The following NCAM2 variants were observed in gnomAD, a reference collection of about 807,000 sequenced individuals.
NCAM2 encodes N-CAM-2.
Under a neutral mutation model 98.1 loss-of-function variants are expected in NCAM2, and 30 were observed. The ratio of observed to expected loss-of-function variants is 0.31; its 90% CI spans 0.23 to 0.41. The LOEUF (loss-of-function observed/expected upper bound fraction) is 0.41. Ranked by LOEUF, NCAM2 falls within the 10% of genes least tolerant of loss-of-function variation. NCAM2 has a pLI of 1.00. For missense variants in NCAM2, 867 were observed against 1,005.8 expected (o/e 0.86, Z 1.87); for synonymous variants, 368 against 342.4 (o/e 1.07, Z -0.83).
chr21:21,323,087 G>C (rs1601972654), intron 5 of NCAM2, among the ~76,000 whole-genome samples: 1 of 152,212 alleles, frequency 6.6e-6, no homozygotes. Flanking sequence ...AATAAAAAGA[G>C]TAATACTGCT....
intron 1 of NCAM2, among the ~76,000 whole-genome samples, chr21:21,148,324 C>G (rs1461438862): frequency 2.0e-5 from 3 of 152,112 alleles, no homozygotes; most frequent in East Asian, 3.9e-4. Context: ...AACTTTAATA[C>G]TGTGGAACAA....
intron 1 of NCAM2, among the ~76,000 whole-genome samples, chr21:21,212,749 T>TC: frequency 6.7e-6 from 1 of 148,652 alleles, no homozygotes. Flanking sequence ...GTGCTTTTTT[T>TC]TTTTTTTTTT....
intron 5 of NCAM2, among the ~76,000 whole-genome samples, chr21:21,311,490 G>A (rs1027712170): frequency 4.0e-5 from 6 of 151,872 alleles, no homozygotes; most frequent in African/African-American, 9.7e-5. Flanking sequence ...ACAGGCACCC[G>A]CCACCACGCC....
At chr21:21,262,292 G>A (rs113967399) in intron 1 of NCAM2, among the ~76,000 whole-genome samples, 9 of 152,238 alleles carry the variant, frequency 5.9e-5, no homozygotes, top group African/African-American at 2.2e-4. Context: ...AGCAGAGCTA[G>A]TACTAATCTT....
chr21:21,240,749 G>A (rs1330424091), intron 1 of NCAM2, among the ~76,000 whole-genome samples: 2 of 152,122 alleles, frequency 1.3e-5, no homozygotes, highest in Non-Finnish European at 2.9e-5. Flanking sequence ...ATGACACTGT[G>A]ACCTGGTTAA....
chr21:21,504,872 T>C (rs1334404783), intron 15 of NCAM2, among the ~76,000 whole-genome samples: 2 of 151,892 alleles, frequency 1.3e-5, no homozygotes, highest in Non-Finnish European at 2.9e-5. Flanking sequence ...ATACAATGTG[T>C]AATAATCAAA....
At chr21:21,219,060 G>A (rs555832506) in intron 1 of NCAM2, among the ~76,000 whole-genome samples, 1 of 152,338 alleles carries the variant, frequency 6.6e-6, no homozygotes, top group South Asian at 2.1e-4. Context: ...TACCAAGCTT[G>A]CCCAACCCAT....
chr21:21,153,276 C>T (rs1400823467), intron 1 of NCAM2, among the ~76,000 whole-genome samples: 1 of 150,288 alleles, frequency 6.7e-6, no homozygotes, highest in Non-Finnish European at 1.5e-5. Flanking sequence ...TTGACTCTTT[C>T]AGATCTTAGT....
intron 1 of NCAM2, among the ~76,000 whole-genome samples, chr21:21,135,264 A>AAT: frequency 6.6e-6 from 1 of 150,754 alleles, no homozygotes; most frequent in East Asian, 2.0e-4. Flanking sequence ...AAAAAAAAAA[A>AAT]CTTCTGAACT....
At chr21:21,107,294 C>T (rs781261561) in intron 1 of NCAM2, among the ~76,000 whole-genome samples, 34 of 151,974 alleles carry the variant, frequency 2.2e-4, no homozygotes, top group Non-Finnish European at 4.4e-4. Flanking sequence ...ATGACCTGTC[C>T]AGCACTATAG....
At chr21:21,376,308 G>A (rs2076031276) in intron 9 of NCAM2, among the ~76,000 whole-genome samples, 1 of 151,714 alleles carries the variant, frequency 6.6e-6, no homozygotes, top group Non-Finnish European at 1.5e-5. Flanking sequence ...ATATGTTTAT[G>A]TTGTAAAACC....
intron 1 of NCAM2, among the ~76,000 whole-genome samples, chr21:21,049,728 A>C (rs960775817): frequency 1.3e-5 from 2 of 152,074 alleles, no homozygotes; most frequent in Non-Finnish European, 2.9e-5. Flanking sequence ...AAAATTAGCC[A>C]GTCATGGTGA....
intron 1 of NCAM2, among the ~76,000 whole-genome samples, chr21:21,060,382 T>A (rs1402930868): frequency 1.3e-5 from 2 of 152,142 alleles, no homozygotes; most frequent in Non-Finnish European, 2.9e-5. Context: ...TATTTTTTAG[T>A]CTAAATCTTC....
intron 1 of NCAM2, among the ~76,000 whole-genome samples, chr21:21,117,396 G>A (rs2066586171): frequency 6.6e-6 from 1 of 151,956 alleles, no homozygotes; most frequent in Non-Finnish European, 1.5e-5. Flanking sequence ...TCCATCTCTT[G>A]GTGAAATAAA....
chr21:21,485,407 T>C (rs1986264380), intron 15 of NCAM2, among the ~76,000 whole-genome samples: 1 of 152,130 alleles, frequency 6.6e-6, no homozygotes, highest in African/African-American at 2.4e-5. Flanking sequence ...TCAGAATTCT[T>C]GCAAGCATTA....
At chr21:21,322,435 A>G (rs905430077) in intron 5 of NCAM2, among the ~76,000 whole-genome samples, 3 of 152,126 alleles carry the variant, frequency 2.0e-5, no homozygotes. Flanking sequence ...ACCTGTCCAT[A>G]TGTCCCCTGA....
intron 17 of NCAM2, 55 bp downstream of exon 17, chr21:21,534,711 C>G: frequency 7.2e-7 from 1 of 1,384,386 alleles, no homozygotes; most frequent in South Asian, 1.7e-5. Context: ...AAAATGATAA[C>G]ACATTATTAT....
intron 1 of NCAM2, among the ~76,000 whole-genome samples, chr21:21,076,796 G>A (rs1338668267): frequency 6.6e-6 from 1 of 152,020 alleles, no homozygotes; most frequent in Non-Finnish European, 1.5e-5. Flanking sequence ...TTTTGTCTTG[G>A]AGCAAAATGG....
At chr21:21,349,120 A>G (rs1025944813) in intron 8 of NCAM2, among the ~76,000 whole-genome samples, 13 of 152,182 alleles carry the variant, frequency 8.5e-5, no homozygotes, top group Non-Finnish European at 1.3e-4. Context: ...CTGCACATCA[A>G]AGGTTACAAT....
Sources: allele counts gnomAD v4.1 joint callset (sites outside exome capture counted in the v4.1 genomes callset), GRCh38; gene constraint gnomAD v4.1.1; transcripts MANE v1.5; gene names NCBI Gene and HGNC (gene_info 2026-07-23, HGNC 2026-07-21).